IQCM: variants seen among roughly 807,000 people sequenced by gnomAD.
IQCM encodes the protein IQ motif containing M.
IQCM carries 45 observed loss-of-function variants against 57.6 expected under a neutral mutation model. The observed-to-expected ratio is 0.78, with a 90% CI of 0.62 to 1.00. IQCM has a LOEUF of 1.00. Among genes scored for constraint, IQCM ranks in the 50% least tolerant of loss-of-function variants. IQCM has a pLI of 0.00. For synonymous variants in IQCM, 148 were observed against 158.9 expected (o/e 0.93, Z 0.51); for missense variants, 468 against 511.6 (o/e 0.91, Z 0.82).
intron 13 of IQCM, among the ~76,000 whole-genome samples, chr4:149,379,272 C>G (rs1245352006): frequency 1.3e-5 from 2 of 152,306 alleles, no homozygotes; most frequent in African/African-American, 4.8e-5. Context: ...CCTAGTGGAG[C>G]TGTGAGAAGA....
chr4:149,463,389 C>T (rs542300548), intron 12 of IQCM, among the ~76,000 whole-genome samples: 17 of 152,240 alleles, frequency 1.1e-4, no homozygotes, highest in African/African-American at 3.6e-4. Context: ...ATTTTAGAGA[C>T]GTTGAATGTA....
At chr4:149,551,311 CT>C (rs1749006659) in intron 11 of IQCM, among the ~76,000 whole-genome samples, 1 of 152,174 alleles carries the variant, frequency 6.6e-6, no homozygotes, top group Non-Finnish European at 1.5e-5. Flanking sequence ...ACTGAAAAAG[CT>C]TCTCAGCTAG....
At chr4:149,620,236 G>A (rs1652007516) in intron 8 of IQCM, among the ~76,000 whole-genome samples, 2 of 152,116 alleles carry the variant, frequency 1.3e-5, no homozygotes, top group South Asian at 2.1e-4. Context: ...GCAAGCCAAG[G>A]AAAAGGGTCT....
chr4:149,788,560 T>TAC (rs1178127196), intron 2 of IQCM, among the ~76,000 whole-genome samples: 1 of 152,082 alleles, frequency 6.6e-6, no homozygotes, highest in Non-Finnish European at 1.5e-5. Context: ...TGTAAATGAG[T>TAC]ACAGCCACTA....
At chr4:149,397,068 G>A (rs190818208) in intron 13 of IQCM, among the ~76,000 whole-genome samples, 43 of 151,996 alleles carry the variant, frequency 2.8e-4, no homozygotes, top group African/African-American at 9.6e-4. Flanking sequence ...CCTAGAAATA[G>A]GATTGCTGAA....
chr4:149,423,860 T>G (rs1560823106), intron 13 of IQCM, among the ~76,000 whole-genome samples: 1 of 151,928 alleles, frequency 6.6e-6, no homozygotes, highest in South Asian at 2.1e-4. Context: ...CTCCCAATGG[T>G]AAATTTATAT....
intron 13 of IQCM, among the ~76,000 whole-genome samples, chr4:149,361,956 T>C (rs527673944): frequency 6.6e-6 from 1 of 152,264 alleles, no homozygotes; most frequent in East Asian, 1.9e-4. Context: ...GGAGGGAGGC[T>C]GTACCCTGTA....
chr4:149,539,816 G>T, intron 12 of IQCM, among the ~76,000 whole-genome samples: 1 of 152,132 alleles, frequency 6.6e-6, no homozygotes. Context: ...AGTGAGCCAA[G>T]ATGGCACCAC....
intron 2 of IQCM, among the ~76,000 whole-genome samples, chr4:149,759,670 A>G (rs1256715356): frequency 6.6e-6 from 1 of 152,132 alleles, no homozygotes; most frequent in African/African-American, 2.4e-5. Flanking sequence ...CATTTTTTTA[A>G]AAAAGAATAG....
intron 2 of IQCM, among the ~76,000 whole-genome samples, chr4:149,788,155 GA>G (rs775243599): frequency 6.6e-6 from 1 of 152,084 alleles, no homozygotes; most frequent in Non-Finnish European, 1.5e-5. Context: ...CCAACATGGT[GA>G]AACTCTGTCT....
intron 2 of IQCM, among the ~76,000 whole-genome samples, chr4:149,778,161 G>T (rs1054878447): frequency 1.3e-5 from 2 of 152,220 alleles, no homozygotes. Context: ...TGGATCACGA[G>T]GTCAGGAGAT....
chr4:149,424,417 C>T (rs1734327036), intron 13 of IQCM, among the ~76,000 whole-genome samples: 1 of 151,294 alleles, frequency 6.6e-6, no homozygotes, highest in Non-Finnish European at 1.5e-5. Context: ...TATGGCATAA[C>T]ATATGGAATT....
rs530849145 is a variant in IQCM at position 149,390,418 on chromosome 4, C to CT, written c.1391-38353dup. Among the ~76,000 whole-genome samples the CT allele has an allele frequency of 4.1e-3, 589 of 143,818 alleles. 4 individuals carry two copies. The highest frequency in any genetic ancestry group is 0.013 in the African/African-American group (510 of 39,562). 94.4% of individuals were successfully genotyped at this position (143,818 alleles called of 152,430 possible). ...CCTTCTCCATCTGGATATCTAGATG[C>CT]TTTTTTTTTTTCTAATTATCCTGGC... is the stretch of plus-strand genomic sequence containing the variant. On this transcript the variant is annotated intron_variant, in intron 13 of 13. Transcript: ENST00000636793.
At chr4:149,360,984 C>T (rs1268281926) in intron 13 of IQCM, among the ~76,000 whole-genome samples, 1 of 152,100 alleles carries the variant, frequency 6.6e-6, no homozygotes, top group African/African-American at 2.4e-5. Flanking sequence ...ATGGCTTTGC[C>T]CAAAATGCTG....
intron 7 of IQCM, among the ~76,000 whole-genome samples, chr4:149,646,364 C>T (rs1366350175): frequency 6.6e-6 from 1 of 151,162 alleles, no homozygotes; most frequent in Non-Finnish European, 1.5e-5. Flanking sequence ...ATCATGGATT[C>T]TTGAGGTTTT....
chr4:149,546,392 C>G (rs2149890604), intron 12 of IQCM, among the ~76,000 whole-genome samples: 1 of 152,264 alleles, frequency 6.6e-6, no homozygotes, highest in East Asian at 1.9e-4. Flanking sequence ...GAGGAATCGC[C>G]ACACTGTCTT....
intron 7 of IQCM, among the ~76,000 whole-genome samples, chr4:149,637,790 A>G (rs1330158999): frequency 3.3e-5 from 5 of 152,210 alleles, no homozygotes; most frequent in Admixed American, 6.5e-5. Flanking sequence ...TCCTCAACAA[A>G]TGGTACTATC....
intron 12 of IQCM, among the ~76,000 whole-genome samples, chr4:149,481,738 C>G (rs1740914940): frequency 1.1e-4 from 1 of 8,856 alleles, no homozygotes; most frequent in Non-Finnish European, 3.4e-4. Flanking sequence ...TTGCTTAGGA[C>G]AGCTTTGGCT....
intron 13 of IQCM, among the ~76,000 whole-genome samples, chr4:149,389,908 G>A (rs1386453288): frequency 4.6e-5 from 7 of 151,710 alleles, no homozygotes; most frequent in Admixed American, 1.3e-4. Flanking sequence ...AATTCAAATG[G>A]GTGTTTCAAC....
Sources: gnomAD v4.1 joint callset for allele counts (sites outside exome capture counted in the v4.1 genomes callset) on GRCh38, gnomAD v4.1.1 for gene constraint, MANE v1.5 for transcripts, NCBI Gene and HGNC (gene_info 2026-07-23, HGNC 2026-07-21) for gene names.